PRRC2C: variants seen among roughly 807,000 people sequenced by gnomAD.
PRRC2C encodes the protein proline rich coiled-coil 2C, also known as protein PRRC2C.
PRRC2C carries 72 observed loss-of-function variants against 317.2 expected under a neutral mutation model. That is an observed-to-expected ratio of 0.23 (90% CI 0.19 to 0.28). The LOEUF (loss-of-function observed/expected upper bound fraction) is 0.28. PRRC2C is among the 10% of genes least tolerant of loss of function. The pLI is 1.00. For synonymous variants in PRRC2C, 1,296 were observed against 1,205.9 expected (o/e 1.07, Z -1.55); for missense variants, 3,074 against 3,459.7 (o/e 0.89, Z 2.80).
intron 10 of PRRC2C, among the ~76,000 whole-genome samples, chr1:171,527,208 C>T (rs1674777881): frequency 6.6e-6 from 1 of 152,076 alleles, no homozygotes; most frequent in African/African-American, 2.4e-5. Context: ...TCTTGGCTCA[C>T]TGCAACCTCC....
intron 20 of PRRC2C, among the ~76,000 whole-genome samples, chr1:171,565,253 TG>T (rs1224231458): frequency 1.3e-5 from 2 of 152,224 alleles, no homozygotes; most frequent in Non-Finnish European, 2.9e-5. Flanking sequence ...CTAGATTCAA[TG>T]TCAGTGTGTC....
intron 17 of PRRC2C, among the ~76,000 whole-genome samples, chr1:171,546,448 T>A (rs898008180): frequency 6.6e-6 from 1 of 152,244 alleles, no homozygotes; most frequent in African/African-American, 2.4e-5. Flanking sequence ...GAGGTTTTTC[T>A]TTCATCTGCC....
intron 1 of PRRC2C, among the ~76,000 whole-genome samples, chr1:171,505,340 T>C (rs1401000211): frequency 6.6e-6 from 1 of 152,190 alleles, no homozygotes; most frequent in Non-Finnish European, 1.5e-5. Flanking sequence ...ATTTCATTTT[T>C]TATTGCTATT....
chr1:171,552,859 G>A (rs1380240837), intron 18 of PRRC2C, among the ~76,000 whole-genome samples: 1 of 152,152 alleles, frequency 6.6e-6, no homozygotes, highest in Non-Finnish European at 1.5e-5. Flanking sequence ...GCTGGATTTG[G>A]TTGACCAGTA....
At chr1:171,548,600 C>T (rs1299364975) in intron 17 of PRRC2C, among the ~76,000 whole-genome samples, 3 of 152,080 alleles carry the variant, frequency 2.0e-5, no homozygotes, top group Admixed American at 1.3e-4. Context: ...ATTATTCAGA[C>T]ATTATACCTA....
intron 19 of PRRC2C, among the ~76,000 whole-genome samples, chr1:171,559,652 T>C (rs1572009658): frequency 6.6e-6 from 1 of 151,518 alleles, no homozygotes; most frequent in African/African-American, 2.4e-5. Flanking sequence ...CTCCTGAGTA[T>C]CTGGGACTAC....
At position 171,537,362 on chromosome 1, in the gene PRRC2C, A is replaced by G. The variant is rs904779450; in HGVS notation, c.2393A>G (p.His798Arg). The part of the protein sequence containing the change: ...FEHIARSARD[H>R]AISLSEPRML... The stretch of plus-strand genomic sequence containing the variant: ...CATATAGCTCGATCTGCAAGAGATC[A>G]CGCAATTTCCCTTTCTGAGCCTCGT... Residue 798 changes from histidine (H) to arginine (R), a missense_variant, in exon 15 of 35, where the codon CAC becomes CGC. Transcript: ENST00000647382. The G allele has an allele frequency of 2.5e-6, 4 of 1,593,248 alleles. No homozygotes were observed. Among genetic ancestry groups the G allele is most frequent in the Admixed American group, 1.8e-5 (1 of 57,012 alleles).
At chr1:171,576,407 T>C (rs1685703843) in intron 25 of PRRC2C, among the ~76,000 whole-genome samples, 1 of 152,204 alleles carries the variant, frequency 6.6e-6, no homozygotes, top group South Asian at 2.1e-4. Context: ...ACTAGAAGGA[T>C]AGAAGCACTT....
At chr1:171,524,709 A>G (rs1227016662) in intron 9 of PRRC2C, 112 bp from the exon 10 acceptor site, 5 of 1,120,878 alleles carry the variant, frequency 4.5e-6, no homozygotes, top group Non-Finnish European at 4.9e-6. Flanking sequence ...ATTCCTTAAT[A>G]CATTTCCCCC....
At chr1:171,561,546 T>C (rs918086295) in intron 20 of PRRC2C, among the ~76,000 whole-genome samples, 10 of 152,182 alleles carry the variant, frequency 6.6e-5, no homozygotes, top group Non-Finnish European at 5.9e-5. Context: ...TCATGACTTA[T>C]TAGGTCTGGG....
At chr1:171,537,233 A>T (rs1360959116) in intron 14 of PRRC2C, 30 bp from the exon 15 acceptor site, 6 of 1,507,610 alleles carry the variant, frequency 4.0e-6, no homozygotes, top group Non-Finnish European at 5.4e-6. Flanking sequence ...CAAAATCCTC[A>T]TTTCACCTTT....
chr1:171,535,949 CATT>C, intron 13 of PRRC2C, 77 bp from the exon 14 acceptor site: 3 of 1,486,640 alleles, frequency 2.0e-6, no homozygotes, highest in Middle Eastern at 1.7e-4. Context: ...CAAAACAGGC[CATT>C]ATTTTGTGAT....
In PRRC2C at chr1:171,545,467, AT is replaced by A. The variant is rs1280244548; in HGVS notation, c.4764-5del. The stretch of plus-strand genomic sequence containing the variant: ...GGTGGAAATAGTAATATCTCAAGTT[AT>A]TTTTTTGTAGGCCATTTGATGACCA... On this transcript the variant is annotated splice_polypyrimidine_tract_variant and intron_variant, in intron 16 of 34. Transcript: ENST00000647382. 2 of 1,548,432 alleles carry A rather than the reference AT, an allele frequency of 1.3e-6. No homozygotes were observed. The highest frequency in any genetic ancestry group is 1.4e-5 in the African/African-American group (1 of 72,846).
At chr1:171,551,636 G>A (rs1265223760) in intron 18 of PRRC2C, among the ~76,000 whole-genome samples, 2 of 152,108 alleles carry the variant, frequency 1.3e-5, no homozygotes, top group Non-Finnish European at 2.9e-5. Context: ...ATTAGTTTTT[G>A]TATAAGGTGT....
chr1:171,536,420 A>T, intron 14 of PRRC2C, 142 bp downstream of exon 14: 1 of 969,144 alleles, frequency 1.0e-6, no homozygotes, highest in South Asian at 1.7e-5. Context: ...TTCAGCATCG[A>T]GTAATTAAAT....
At position 171,541,643 on chromosome 1, in the gene PRRC2C, C is replaced by T; in HGVS notation, c.4177C>T (p.Pro1393Ser). 1 of 1,613,794 alleles carries T rather than the reference C, an allele frequency of 6.2e-7. No homozygotes were observed. The highest frequency in any genetic ancestry group is 8.5e-7 in the Non-Finnish European group (1 of 1,179,876). The change falls in exon 16 of 35, where the codon CCA (proline) becomes TCA (serine). Residue 1393 changes from proline to serine, a missense_variant. Coordinates refer to ENST00000647382, the MANE Select transcript of PRRC2C (RefSeq NM_001387844.1). This position sits in a 1 kb window ranked among gnomAD's most constrained non-coding sequence, Gnocchi z 4.1. ...EVPKPEDGEP[P>S]RRHEQFIPIA... is the part of the protein sequence containing the mutation. ...TCCTAAACCAGAAGATGGAGAGCCG[C>T]CAAGAAGACATGAGCAGTTTATTCC...
At chr1:171,575,823 T>C (rs112593814) in intron 25 of PRRC2C, among the ~76,000 whole-genome samples, 2 of 152,124 alleles carry the variant, frequency 1.3e-5, no homozygotes. Flanking sequence ...GTTGAAAAAA[T>C]AAAATTTAAT....
chr1:171,519,153 G>A (rs566849848), intron 6 of PRRC2C, among the ~76,000 whole-genome samples: 2 of 152,030 alleles, frequency 1.3e-5, no homozygotes, highest in African/African-American at 4.8e-5. Flanking sequence ...CAAAGTGCTG[G>A]GATTATAGGC....
intron 34 of PRRC2C, 23 bp downstream of exon 34, chr1:171,589,628 A>G (rs1269335411): frequency 2.4e-6 from 3 of 1,270,020 alleles, no homozygotes; most frequent in African/African-American, 3.1e-5. Context: ...TTAACAGCCA[A>G]CAGATCAAGA....
Sources: gnomAD v4.1 joint callset for allele counts (sites outside exome capture counted in the v4.1 genomes callset) on GRCh38, gnomAD v4.1.1 for gene constraint, Gnocchi (gnomAD v3.1) non-coding constraint, MANE v1.5 for transcripts, NCBI Gene and HGNC (gene_info 2026-07-23, HGNC 2026-07-21) for gene names.